NGFR: variants seen among roughly 807,000 people sequenced by gnomAD.
The protein encoded by NGFR is nerve growth factor receptor.
Under a neutral mutation model 43.2 loss-of-function variants are expected in NGFR, and 30 were observed. The observed-to-expected ratio is 0.69, with a 90% CI of 0.52 to 0.94. The LOEUF is 0.94. NGFR is among the 40% of genes least tolerant of loss of function. NGFR has a pLI of 0.00. For missense variants in NGFR, 529 were observed against 602.5 expected, an observed-to-expected ratio of 0.88 and a Z score of 1.28; for synonymous variants, 246 against 259.6, an observed-to-expected ratio of 0.95 and a Z score of 0.50.
At chr17:49,503,715 C>T (rs1202781232) in intron 2 of NGFR, among the ~76,000 whole-genome samples, 1 of 152,220 alleles carries the variant, frequency 6.6e-6, no homozygotes. Flanking sequence ...AATGCCTTTG[C>T]CGTCTTGCTT....
chr17:49,507,812 G>A (rs576679840), intron 3 of NGFR, among the ~76,000 whole-genome samples: 1 of 152,272 alleles, frequency 6.6e-6, no homozygotes, highest in Non-Finnish European at 1.5e-5. Flanking sequence ...GATAGCCTTC[G>A]CCCAGTCTAA....
At chr17:49,501,539 G>T (rs918581554) in intron 1 of NGFR, among the ~76,000 whole-genome samples, 8 of 152,216 alleles carry the variant, frequency 5.3e-5, no homozygotes, top group African/African-American at 1.9e-4. Context: ...TATTTAATAT[G>T]TGGAATTAAG....
chr17:49,506,693 T>TGGGGGGGG, intron 3 of NGFR, 35 bp downstream of exon 3: 4 of 115,488 alleles, frequency 3.5e-5, no homozygotes, highest in African/African-American at 1.6e-4. Context: ...GGAGTGGGGG[T>TGGGGGGGG]GCGGGGGTGG....
In NGFR at chr17:49,506,671, C is replaced by CGGGGGGGGGGGGGGGGGGGGGGG; in HGVS notation, c.568+19_568+20insGGGGGGGGGGGGGGGGGGGGGGG. On this transcript the variant is annotated intron_variant, in intron 3 of 5. Coordinates refer to ENST00000172229, the MANE Select transcript of NGFR (RefSeq NM_002507.4). ...GCCGAGTGCGAGGGTGAGTGCGGTTCGGGGGGCGGGGGGAGTGGGGGTGCG... is the reference window on the plus strand; with the variant it reads ...GCCGAGTGCGAGGGTGAGTGCGGTTCGGGGGGGGGGGGGGGGGGGGGGGGGGGGGCGGGGGGAGTGGGGGTGCG... The CGGGGGGGGGGGGGGGGGGGGGGG allele has an allele frequency of 8.6e-6, 1 of 116,718 alleles. No homozygotes were observed. The highest frequency in any genetic ancestry group is 3.5e-4 in the South Asian group (1 of 2,834). The allele number at this position is 116,718 out of a possible 1,614,324, so 7.2% of individuals were successfully genotyped here. A position where few individuals can be genotyped will look rare whatever the true frequency, so the allele number is the denominator to read the frequency against.
Position 49,506,538 on chromosome 17 carries a change from C to G in NGFR, c.448C>G (p.Pro150Ala). 6.2e-7 allele frequency: 1 copy of G among 1,611,828 alleles called. No individual in the cohort carries two copies. Among genetic ancestry groups the G allele is most frequent in the Non-Finnish European group, 8.5e-7 (1 of 1,179,618 alleles). Reference sequence around the variant, plus strand: ...GCAGAACACCGTGTGCGAGGAGTGCCCCGACGGCACGTATTCCGACGAGGC... The same window carrying G: ...GCAGAACACCGTGTGCGAGGAGTGCGCCGACGGCACGTATTCCGACGAGGC... ...DKQNTVCEEC[P>A]DGTYSDEANH... is the part of the protein sequence containing the mutation. The change falls in exon 3 of 6, where the codon CCC (proline) becomes GCC (alanine). Residue 150 changes from proline (P) to alanine (A), a missense_variant. By Grantham distance (27) the Pro-to-Ala change is conservative. Transcript: ENST00000172229.
At chr17:49,501,999 A>ATGCCC in intron 1 of NGFR, 64 bp from the exon 2 acceptor site, 5 of 330,984 alleles carry the variant, frequency 1.5e-5, no homozygotes, top group Non-Finnish European at 2.9e-5. Context: ...TCCCCGGAAG[A>ATGCCC]ACCCCCCCCA....
intron 1 of NGFR, among the ~76,000 whole-genome samples, chr17:49,501,722 CCCTGTTG>C (rs1425642884): frequency 1.3e-5 from 2 of 152,232 alleles, no homozygotes; most frequent in Non-Finnish European, 2.9e-5. Context: ...TTCATGACAT[CCCTGTTG>C]GTAGGCCCTC....
Position 49,513,151 on chromosome 17 carries a change from G to T in NGFR, c.*142G>T. 2.3e-6 allele frequency: 2 copies of T among 879,984 alleles called. No individual in the cohort carries two copies. The highest frequency in any genetic ancestry group is 3.4e-6 in the Non-Finnish European group (2 of 596,146). 54.5% of individuals were successfully genotyped at this position (879,984 alleles called of 1,614,324 possible). A position where few individuals can be genotyped will look rare whatever the true frequency, so the allele number is the denominator to read the frequency against. ...CTCTGGGCAGGACCTCAGAGTCCAG[G>T]CCCCAAAACCACAGCCCTGTCAGTG... On this transcript the variant is annotated 3_prime_UTR_variant, in exon 6 of 6. Transcript: ENST00000172229.
chr17:49,506,758 C>T, intron 3 of NGFR, 100 bp downstream of exon 3: 1 of 1,215,700 alleles, frequency 8.2e-7, no homozygotes, highest in Non-Finnish European at 1.1e-6. Context: ...CCTGCCTGGC[C>T]TGCTGGGGCA....
At chr17:49,501,936 TCATCC>T in intron 1 of NGFR, 122 bp from the exon 2 acceptor site, 1 of 918,386 alleles carries the variant, frequency 1.1e-6, no homozygotes, top group Non-Finnish European at 1.6e-6. Context: ...CCTGGTGAGC[TCATCC>T]CAGCCCAGGT....
At chr17:49,510,911 C>T (rs1486903472) in intron 4 of NGFR, 4 of 525,228 alleles carry the variant, frequency 7.6e-6, no homozygotes, top group South Asian at 6.5e-5. Flanking sequence ...ACTCCCATGC[C>T]GCACCACTCC....
chr17:49,510,976 C>T lies in NGFR; in HGVS notation c.821+312C>T, dbSNP rs1052595979. On this transcript the variant is annotated intron_variant, in intron 4 of 5. Coordinates refer to ENST00000172229, the MANE Select transcript of NGFR (RefSeq NM_002507.4). The stretch of plus-strand genomic sequence containing the variant: ...CTCATCCCCAACCTCCTTCACCCCA[C>T]AGTCACCTGCGTGTGCATATGTCTC... The T allele has an allele frequency of 2.0e-4, 73 of 367,180 alleles. 1 individual carries two copies. The highest frequency in any genetic ancestry group is 2.4e-4 in the Admixed American group (6 of 24,742). 22.7% of individuals were successfully genotyped at this position (367,180 alleles called of 1,614,324 possible). A position where few individuals can be genotyped will look rare whatever the true frequency, so the allele number is the denominator to read the frequency against.
In NGFR at chr17:49,512,827, T is replaced by G; in HGVS notation, c.1102T>G (p.Tyr368Asp). 3.7e-6 allele frequency: 6 copies of G among 1,613,438 alleles called. No homozygotes were observed. The highest frequency in any genetic ancestry group is 5.1e-6 in the Non-Finnish European group (6 of 1,179,950). Residue 368 changes from tyrosine to aspartate, a missense_variant, in exon 6 of 6, where the codon TAC becomes GAC. Transcript: ENST00000172229. This position sits in a 1 kb window ranked among gnomAD's most constrained non-coding sequence, Gnocchi z 5.2. ...TWRHLAGELG[Y>D]QPEHIDSFTH... ...GCGGCACCTGGCGGGCGAGCTGGGCTACCAGCCCGAGCACATAGACTCCTT... is the reference window on the plus strand; with the variant it reads ...GCGGCACCTGGCGGGCGAGCTGGGCGACCAGCCCGAGCACATAGACTCCTT...
chr17:49,502,247 A>T, intron 2 of NGFR, 43 bp downstream of exon 2: 1 of 1,541,064 alleles, frequency 6.5e-7, no homozygotes, highest in Non-Finnish European at 8.8e-7. Context: ...GAAGAATGGG[A>T]GGGAGGAGAG....
At chr17:49,503,509 C>T (rs1292454917) in intron 2 of NGFR, among the ~76,000 whole-genome samples, 1 of 152,168 alleles carries the variant, frequency 6.6e-6, no homozygotes, top group African/African-American at 2.4e-5. Flanking sequence ...GGGGATAGAG[C>T]TGGGGCCTCT....
rs1031671058 is a variant in NGFR at position 49,514,674 on chromosome 17, G to A, written c.*1665G>A. 1 of 152,230 alleles carries A rather than the reference G, an allele frequency of 6.6e-6. No homozygotes were observed. Among genetic ancestry groups the A allele is most frequent in the East Asian group, 1.9e-4 (1 of 5,188 alleles). 9.4% of individuals were successfully genotyped at this position (152,230 alleles called of 1,614,324 possible). On this transcript the variant is annotated 3_prime_UTR_variant, in exon 6 of 6. Transcript: ENST00000172229. ...CAATTCTTTGACCTCAACCTGTGATGAGGGGAGGAAACTCACCTGCTGGCC... is the reference window on the plus strand; with the variant it reads ...CAATTCTTTGACCTCAACCTGTGATAAGGGGAGGAAACTCACCTGCTGGCC...
In NGFR at chr17:49,508,043, T is replaced by TA. The variant is rs530326561; in HGVS notation, c.568+1386dup. 1.8e-4 allele frequency among the ~76,000 whole-genome samples: 27 copies of TA among 152,366 alleles called. 1 individual carries two copies. In the East Asian group the frequency reaches 4.2e-3, roughly 24 times the overall value. On this transcript the variant is annotated intron_variant, in intron 3 of 5. Coordinates refer to ENST00000172229, the MANE Select transcript of NGFR (RefSeq NM_002507.4). ...AGGAGCTCAGGATGGGGAGGGCTGT[T>TA]ACGCTGGGCTAAGGCCAGGTTGAGC... is the stretch of plus-strand genomic sequence containing the variant.
At position 49,514,601 on chromosome 17, in the gene NGFR, G is replaced by C. The variant is rs2071258014; in HGVS notation, c.*1592G>C. 6.6e-6 allele frequency: 1 copy of C among 152,222 alleles called. No individual in the cohort carries two copies. The highest frequency in any genetic ancestry group is 2.1e-4 in the South Asian group (1 of 4,836). The allele number at this position is 152,222 out of a possible 1,614,324, so 9.4% of individuals were successfully genotyped here. A position where few individuals can be genotyped will look rare whatever the true frequency, so the allele number is the denominator to read the frequency against. On this transcript the variant is annotated 3_prime_UTR_variant, in exon 6 of 6. Transcript: ENST00000172229. ...CTGACAACCACCGCTCCCCAGCCCA[G>C]GGTTCCCCCAGCCCTGTGGAAGGGA...
rs989699846 is a variant in NGFR, at chr17:49,512,221, C to T, written c.982+169C>T. On this transcript the variant is annotated intron_variant, in intron 5 of 5. Coordinates refer to ENST00000172229, the MANE Select transcript of NGFR (RefSeq NM_002507.4). This position sits in a 1 kb window ranked among gnomAD's most constrained non-coding sequence, Gnocchi z 5.2. ...GAGGGGAATGGGAGGGAGAGGTCCTCTCTAGAGGAACGACTTGGGAAATGG... is the reference window on the plus strand; with the variant it reads ...GAGGGGAATGGGAGGGAGAGGTCCTTTCTAGAGGAACGACTTGGGAAATGG... Among the ~76,000 whole-genome samples the T allele has an allele frequency of 6.6e-6, 1 of 152,208 alleles. No individual in the cohort carries two copies. The highest frequency in any genetic ancestry group is 2.4e-5 in the African/African-American group (1 of 41,454).
Sources: gnomAD v4.1 joint callset for allele counts (sites outside exome capture counted in the v4.1 genomes callset) on GRCh38, gnomAD v4.1.1 for gene constraint, Gnocchi (gnomAD v3.1) non-coding constraint, MANE v1.5 for transcripts, NCBI Gene and HGNC (gene_info 2026-07-23, HGNC 2026-07-21) for gene names.